The following CEP85L variants were observed in gnomAD, a reference collection of about 807,000 sequenced individuals.
CEP85L encodes centrosomal protein of 85 kDa-like.
In CEP85L, 60 loss-of-function variants were observed where a neutral mutation model predicts 100.3. The observed-to-expected ratio is 0.60, with a 90% CI of 0.49 to 0.74. CEP85L has a LOEUF of 0.74. CEP85L is among the 30% of genes least tolerant of loss of function. CEP85L has a pLI of 0.00. For missense variants in CEP85L, 973 were observed against 936.2 expected (o/e 1.04, Z -0.51); for synonymous variants, 319 against 322.7 (o/e 0.99, Z 0.12).
At chr6:118,486,545 T>C (rs1390478486) in intron 6 of CEP85L, among the ~76,000 whole-genome samples, 1 of 152,196 alleles carries the variant, frequency 6.6e-6, no homozygotes, top group Admixed American at 6.5e-5. Context: ...AGAAACAATA[T>C]GATCCAATCT....
intron 1 of CEP85L, among the ~76,000 whole-genome samples, chr6:118,661,177 G>A (rs370718639): frequency 1.1e-4 from 17 of 152,160 alleles, no homozygotes; most frequent in East Asian, 7.7e-4. Context: ...GAGCCACCGC[G>A]CCCAGCCAAG....
chr6:118,505,947 C>CAA (rs1288490296), intron 5 of CEP85L, among the ~76,000 whole-genome samples: 1 of 152,040 alleles, frequency 6.6e-6, no homozygotes, highest in Non-Finnish European at 1.5e-5. Flanking sequence ...CCCTAAGGTA[C>CAA]AAAACATTGA....
At chr6:118,687,665 A>T (rs1373578905) in intron 1 of CEP85L, among the ~76,000 whole-genome samples, 3 of 152,130 alleles carry the variant, frequency 2.0e-5, no homozygotes, top group African/African-American at 7.2e-5. Context: ...CTCCCTTTGT[A>T]TGGGAGCCCT....
intron 1 of CEP85L, among the ~76,000 whole-genome samples, chr6:118,634,173 C>T (rs1193063958): frequency 6.6e-6 from 1 of 152,098 alleles, no homozygotes; most frequent in East Asian, 1.9e-4. Context: ...CTATTGAAAC[C>T]GGCATGCAAG....
rs1053480353 is a variant in CEP85L, at chr6:118,469,313, T to A, written c.2023-10A>T. On this transcript the variant is annotated splice_polypyrimidine_tract_variant and intron_variant, in intron 11 of 12. Coordinates refer to ENST00000368491, the MANE Select transcript of CEP85L (RefSeq NM_001042475.3). ...CTGTTTGTCTTTGGTTCTGCAAGGA[T>A]AAAGAAAACAAACATCAGATTGTTA... 1.2e-6 allele frequency: 2 copies of A among 1,600,600 alleles called. No individual in the cohort carries two copies. The highest frequency in any genetic ancestry group is 1.7e-6 in the Non-Finnish European group (2 of 1,168,016).
intron 2 of CEP85L, among the ~76,000 whole-genome samples, chr6:118,595,106 T>G (rs568924094): frequency 2.6e-5 from 4 of 152,162 alleles, no homozygotes; most frequent in Admixed American, 1.3e-4. Context: ...GATTATGCTA[T>G]GTACAACAAG....
intron 3 of CEP85L, chr6:118,537,660 A>G (rs1463199560): frequency 2.0e-6 from 2 of 985,274 alleles, no homozygotes; most frequent in African/African-American, 1.7e-5. Flanking sequence ...TTAATGGCCA[A>G]ACATGCTCCT....
chr6:118,512,568 T>C (rs754064400), intron 4 of CEP85L, among the ~76,000 whole-genome samples: 7 of 152,124 alleles, frequency 4.6e-5, no homozygotes, highest in Non-Finnish European at 7.4e-5. Flanking sequence ...TGGCATCTAG[T>C]GAGCAGAAGC....
chr6:118,680,272 A>G lies in CEP85L; in HGVS notation c.-27-27464T>C, dbSNP rs769956781. Among the ~76,000 whole-genome samples the G allele has an allele frequency of 7.8e-3, 628 of 80,048 alleles. 2 individuals carry two copies. Among genetic ancestry groups the G allele is most frequent in the Non-Finnish European group, 0.016 (438 of 27,810 alleles). The allele number at this position is 80,048 out of a possible 152,430, so 52.5% of individuals were successfully genotyped here. A position where few individuals can be genotyped will look rare whatever the true frequency, so the allele number is the denominator to read the frequency against. ...CATACCACTACACTCCAGCCTGGGG[A>G]AAAAAAAAAAAAAAGAATCTTTCCT... On this transcript the variant is annotated intron_variant, in intron 1 of 13. Transcript: ENST00000368488.
chr6:118,513,955 T>C (rs1395087423), intron 4 of CEP85L, among the ~76,000 whole-genome samples: 1 of 152,186 alleles, frequency 6.6e-6, no homozygotes, highest in Admixed American at 6.5e-5. Flanking sequence ...GTATAACCTT[T>C]GTAGATGTAG....
chr6:118,515,428 G>A (rs539791185), intron 4 of CEP85L, among the ~76,000 whole-genome samples: 22 of 152,228 alleles, frequency 1.4e-4, no homozygotes, highest in African/African-American at 4.8e-4. Context: ...AAAGACAAAA[G>A]CAGCAGAATA....
chr6:118,634,199 G>GT (rs1401755011), intron 1 of CEP85L, among the ~76,000 whole-genome samples: 3 of 152,142 alleles, frequency 2.0e-5, no homozygotes, highest in Non-Finnish European at 4.4e-5. Context: ...CCTTCTGGCA[G>GT]TTTAAACATA....
intron 5 of CEP85L, chr6:118,501,989 G>C: frequency 3.6e-6 from 3 of 831,094 alleles, no homozygotes; most frequent in Non-Finnish European, 6.0e-6. Flanking sequence ...AAACTGACCA[G>C]GTGGCTTGTT....
intron 3 of CEP85L, among the ~76,000 whole-genome samples, chr6:118,525,586 A>G (rs996542878): frequency 1.3e-5 from 2 of 152,224 alleles, no homozygotes; most frequent in Non-Finnish European, 2.9e-5. Context: ...GATTGGAATG[A>G]CACATCTACA....
At chr6:118,607,574 C>T (rs369099950) in intron 2 of CEP85L, among the ~76,000 whole-genome samples, 4 of 152,252 alleles carry the variant, frequency 2.6e-5, no homozygotes, top group African/African-American at 4.8e-5. Context: ...CCAATAGTGA[C>T]GAGAGGGGAC....
At chr6:118,583,434 C>T (rs750910354) in intron 2 of CEP85L, among the ~76,000 whole-genome samples, 2 of 152,152 alleles carry the variant, frequency 1.3e-5, no homozygotes, top group Non-Finnish European at 1.5e-5. Context: ...GGGAGACTTA[C>T]TATTTAAACA....
chr6:118,469,688 C>T (rs982073542), intron 11 of CEP85L, among the ~76,000 whole-genome samples: 1 of 152,074 alleles, frequency 6.6e-6, no homozygotes, highest in Admixed American at 6.6e-5. Context: ...GCAGCCTTGA[C>T]CTCCTCGGGC....
At chr6:118,643,572 C>A (rs577601414) in intron 1 of CEP85L, among the ~76,000 whole-genome samples, 1 of 152,198 alleles carries the variant, frequency 6.6e-6, no homozygotes, top group South Asian at 2.1e-4. Flanking sequence ...GAAAGGCATA[C>A]AACAGTTTCT....
At chr6:118,566,806 G>A (rs1779536836) in intron 2 of CEP85L, among the ~76,000 whole-genome samples, 1 of 152,098 alleles carries the variant, frequency 6.6e-6, no homozygotes, top group East Asian at 1.9e-4. Context: ...GTTTCAGATT[G>A]GATTTTCTAA....
Sources: allele counts gnomAD v4.1 joint callset (sites outside exome capture counted in the v4.1 genomes callset), GRCh38; gene constraint gnomAD v4.1.1; transcripts MANE v1.5; gene names NCBI Gene and HGNC (gene_info 2026-07-23, HGNC 2026-07-21).